The following LNX1 variants were observed in gnomAD, a reference collection of about 807,000 sequenced individuals.
The protein encoded by LNX1 is ligand of numb-protein X 1, also known as E3 ubiquitin-protein ligase LNX.
A neutral mutation model predicts 68.4 loss-of-function variants in LNX1; 54 were observed. The observed-to-expected ratio is 0.79, with a 90% confidence interval of 0.63 to 0.99. LNX1 has a LOEUF of 0.99. Ranked by LOEUF, LNX1 falls within the 50% of genes least tolerant of loss-of-function variation. The pLI, the probability that LNX1 is intolerant of heterozygous loss-of-function variation, is 0.00. For missense variants in LNX1, 906 were observed against 926.4 expected (o/e 0.98, Z 0.29); for synonymous variants, 336 against 350.0 (o/e 0.96, Z 0.45).
upstream of LNX1, among the ~76,000 whole-genome samples, chr4:53,620,175 T>C (rs1378876274): frequency 6.6e-6 from 1 of 152,240 alleles, no homozygotes; most frequent in Non-Finnish European, 1.5e-5. Context: ...TTTATCTATC[T>C]GTCATCTGTC....
intron 9 of LNX1, 69 bp downstream of exon 9, chr4:53,476,684 G>GA: frequency 7.5e-7 from 1 of 1,330,068 alleles, no homozygotes; most frequent in Non-Finnish European, 1.1e-6. Context: ...CCTAGAGAGT[G>GA]AAAGAGTGGT....
intron 9 of LNX1, among the ~76,000 whole-genome samples, chr4:53,466,887 C>T (rs948690904): frequency 2.6e-5 from 4 of 152,214 alleles, no homozygotes; most frequent in East Asian, 1.9e-4. Flanking sequence ...CTCAAGCAGG[C>T]CTGCTTCTCT....
chr4:53,608,788 A>C (rs2590798), intron 2 of LNX1, among the ~76,000 whole-genome samples: 63,998 of 151,972 alleles, frequency 0.42, 13,427 homozygotes, highest in Admixed American at 0.45. Context: ...CCATAAAAAG[A>C]ATGAGATCAT....
At chr4:53,645,385 G>A (rs1169282907) in intron 1 of LNX1, among the ~76,000 whole-genome samples, 1 of 152,106 alleles carries the variant, frequency 6.6e-6, no homozygotes, top group Non-Finnish European at 1.5e-5. Flanking sequence ...TCCCTGCTGT[G>A]GGCTGTTCTC....
At chr4:53,561,715 C>T (rs138069784) in intron 2 of LNX1, among the ~76,000 whole-genome samples, 2 of 152,296 alleles carry the variant, frequency 1.3e-5, no homozygotes, top group South Asian at 2.1e-4. Context: ...CCTTCAGCCA[C>T]GTATGTCTTG....
intron 2 of LNX1, among the ~76,000 whole-genome samples, chr4:53,564,836 C>G (rs542433961): frequency 6.6e-6 from 1 of 152,188 alleles, no homozygotes; most frequent in African/African-American, 2.4e-5. Flanking sequence ...ACTTGGGAAG[C>G]GCAAGGAGTC....
intron 2 of LNX1, among the ~76,000 whole-genome samples, chr4:53,572,686 A>T (rs1446421772): frequency 2.6e-5 from 4 of 152,224 alleles, no homozygotes; most frequent in Non-Finnish European, 5.9e-5. Flanking sequence ...ATGTCCAAGA[A>T]CATGACAATG....
At chr4:53,579,241 C>A (rs1230900764) in intron 1 of LNX1, 39 of 983,454 alleles carry the variant, frequency 4.0e-5, no homozygotes, top group Non-Finnish European at 4.5e-5. Context: ...TGGATTGATT[C>A]CCTCCTTACG....
At chr4:53,504,286 T>C (rs1292093700) in intron 4 of LNX1, among the ~76,000 whole-genome samples, 2 of 152,268 alleles carry the variant, frequency 1.3e-5, no homozygotes, top group African/African-American at 4.8e-5. Context: ...ATTTGCTGCT[T>C]TGCCTTGCAC....
chr4:53,648,166 G>T (rs1734960250), intron 1 of LNX1, among the ~76,000 whole-genome samples: 1 of 152,086 alleles, frequency 6.6e-6, no homozygotes, highest in South Asian at 2.1e-4. Flanking sequence ...TTCATTTTTT[G>T]GTGAACCACC....
Position 53,476,723 on chromosome 4 carries a change from C to T in LNX1, c.1892+30G>A, listed in dbSNP as rs1470708492. 11 of 1,575,680 alleles carry T rather than the reference C, an allele frequency of 7.0e-6. No individual in the cohort carries two copies. The African/African-American group carries it at 1.1e-4, about 15-fold the overall frequency. Reference sequence around the variant, plus strand: ...AGAAATGTAATCGTTTTCTCCCACGCCCCTACAGGGATGTTGTGTTTGGAC... The same window carrying T: ...AGAAATGTAATCGTTTTCTCCCACGTCCCTACAGGGATGTTGTGTTTGGAC... On this transcript the variant is annotated intron_variant, in intron 9 of 10. Transcript: ENST00000263925.
chr4:53,591,080 C>T (rs1292458433), intron 1 of LNX1, among the ~76,000 whole-genome samples: 4 of 152,228 alleles, frequency 2.6e-5, no homozygotes, highest in Non-Finnish European at 5.9e-5. Flanking sequence ...AAACAAAAGC[C>T]TTCACTCTAC....
chr4:53,634,969 G>A (rs1030654480), intron 1 of LNX1, among the ~76,000 whole-genome samples: 1 of 151,876 alleles, frequency 6.6e-6, no homozygotes, highest in African/African-American at 2.4e-5. Context: ...GGGACTACAG[G>A]TGCACACTAC....
rs115799265 is a variant in LNX1 at position 53,483,159 on chromosome 4, A to T, written c.1351-1305T>A. 7.2e-3 allele frequency among the ~76,000 whole-genome samples: 1,092 copies of T among 152,234 alleles called. 12 individuals are homozygous for T. The highest frequency in any genetic ancestry group is 0.025 in the African/African-American group (1,033 of 41,528). On this transcript the variant is annotated intron_variant, in intron 6 of 10. Transcript: ENST00000263925. The stretch of plus-strand genomic sequence containing the variant: ...TTTCCCATGCTGTTCTCGAGATAGT[A>T]AGTCTCACGAGATCTGATGATTTTA...
intron 1 of LNX1, among the ~76,000 whole-genome samples, chr4:53,649,753 C>T (rs776778607): frequency 2.8e-4 from 42 of 152,178 alleles, no homozygotes; most frequent in African/African-American, 9.7e-4. Context: ...AGGTGCCCTC[C>T]GATGGCAGGC....
At chr4:53,595,372 T>A (rs1732702019), upstream of LNX1, among the ~76,000 whole-genome samples, 1 of 152,204 alleles carries the variant, frequency 6.6e-6, no homozygotes. Flanking sequence ...GCTAACTGCT[T>A]CATGTCCTCA....
At chr4:53,523,734 A>C (rs1439805266) in intron 2 of LNX1, among the ~76,000 whole-genome samples, 5 of 152,232 alleles carry the variant, frequency 3.3e-5, no homozygotes, top group Non-Finnish European at 5.9e-5. Flanking sequence ...AGACAGACCC[A>C]GATGCATTGT....
intron 2 of LNX1, among the ~76,000 whole-genome samples, chr4:53,596,931 T>A (rs746828103): frequency 6.6e-6 from 1 of 152,224 alleles, no homozygotes; most frequent in Non-Finnish European, 1.5e-5. Context: ...TCTTATTCAT[T>A]CGGATTTTTC....
chr4:53,629,576 A>G (rs1257296475), intron 1 of LNX1, among the ~76,000 whole-genome samples: 3 of 152,202 alleles, frequency 2.0e-5, no homozygotes, highest in African/African-American at 4.8e-5. Context: ...GCCCTGCCCA[A>G]AGCTGCTCGA....
Sources: allele counts gnomAD v4.1 joint callset (sites outside exome capture counted in the v4.1 genomes callset), GRCh38; gene constraint gnomAD v4.1.1; transcripts MANE v1.5; gene names NCBI Gene and HGNC (gene_info 2026-07-23, HGNC 2026-07-21).